Variants in CIRSR observed in about 807,000 individuals in gnomAD.
CIRSR encodes corepressor of RBPJ and splicing regulator.
At chr2:174,381,688 GGAA>G in the CIRSR span, 1 of 1,561,888 alleles carries the variant, frequency 6.4e-7, no homozygotes, top group Non-Finnish European at 8.6e-7. Context: ...AAAAAGAAAC[GGAA>G]GAAGATAAGT....
chr2:174,353,518 A>G, the CIRSR span, among the ~76,000 whole-genome samples: 10 of 152,130 alleles, frequency 6.6e-5, 1 homozygote, highest in East Asian at 7.7e-4. Flanking sequence ...CCCAGGCTGG[A>G]GTGCAGTGGC....
the CIRSR span, chr2:174,369,936 C>T: frequency 2.5e-5 from 34 of 1,353,886 alleles, no homozygotes; most frequent in Non-Finnish European, 3.1e-5. Context: ...ACAAAGTAAG[C>T]ACATACGGTT....
the CIRSR span, among the ~76,000 whole-genome samples, chr2:174,374,765 C>G: frequency 6.6e-6 from 1 of 152,178 alleles, no homozygotes; most frequent in East Asian, 1.9e-4. Flanking sequence ...TTCCTCTATA[C>G]GAAAGGTTAT....
At chr2:174,350,612 G>A in the CIRSR span, 1 of 1,243,574 alleles carries the variant, frequency 8.0e-7, no homozygotes, top group African/African-American at 1.5e-5. Context: ...ATACTGAGAT[G>A]AATACTAAGG....
At chr2:174,387,863 A>C in the CIRSR span, 1 of 1,237,994 alleles carries the variant, frequency 8.1e-7, no homozygotes, top group Non-Finnish European at 1.1e-6. Context: ...TAAAATATAA[A>C]ATGCAATTGT....
At chr2:174,351,868 G>A in the CIRSR span, 1 of 515,588 alleles carries the variant, frequency 1.9e-6, no homozygotes, top group Non-Finnish European at 3.3e-6. Flanking sequence ...CAAATAATCA[G>A]ATATGATTTT....
chr2:174,391,627 T>C, the CIRSR span, among the ~76,000 whole-genome samples: 3 of 151,822 alleles, frequency 2.0e-5, no homozygotes, highest in African/African-American at 7.3e-5. Flanking sequence ...GGTGGGAGAA[T>C]AGTAGGAGGG....
the CIRSR span, among the ~76,000 whole-genome samples, chr2:174,392,899 C>T: frequency 6.6e-6 from 1 of 152,234 alleles, no homozygotes; most frequent in African/African-American, 2.4e-5. Context: ...ACTGGGACTG[C>T]AGATTTGAGT....
chr2:174,351,744 G>C, the CIRSR span: 1 of 1,592,600 alleles, frequency 6.3e-7, no homozygotes, highest in Non-Finnish European at 8.6e-7. Flanking sequence ...AAAAATCACA[G>C]TTTGAATGTA....
At chr2:174,348,706 C>T in the CIRSR span, 6 of 1,614,070 alleles carry the variant, frequency 3.7e-6, no homozygotes, top group African/African-American at 2.7e-5. Context: ...TCCTCCCTGC[C>T]GTGGCTTCTG....
At chr2:174,356,236 C>T in the CIRSR span, among the ~76,000 whole-genome samples, 4 of 151,884 alleles carry the variant, frequency 2.6e-5, no homozygotes, top group South Asian at 2.1e-4. Context: ...GAGGCAGAGG[C>T]GGGTGGATCG....
the CIRSR span, among the ~76,000 whole-genome samples, chr2:174,362,790 G>A: frequency 2.0e-5 from 3 of 151,046 alleles, no homozygotes; most frequent in Non-Finnish European, 4.4e-5. Context: ...GTAATACAGA[G>A]TATTATAGCT....
At chr2:174,380,361 T>G in the CIRSR span, 1 of 759,454 alleles carries the variant, frequency 1.3e-6, no homozygotes. Flanking sequence ...TGAAATATAT[T>G]ACTTCAGTAA....
chr2:174,378,870 T>G, the CIRSR span: 1 of 1,295,006 alleles, frequency 7.7e-7, no homozygotes, highest in Non-Finnish European at 1.1e-6. Flanking sequence ...AAAAATGTTG[T>G]TTTATCTTTC....
the CIRSR span, chr2:174,380,338 T>C: frequency 1.1e-6 from 1 of 914,738 alleles, no homozygotes; most frequent in South Asian, 1.8e-5. Flanking sequence ...GTTTTACAGT[T>C]CTAAGAACAT....
the CIRSR span, among the ~76,000 whole-genome samples, chr2:174,357,725 G>A: frequency 1.3e-5 from 2 of 152,140 alleles, no homozygotes; most frequent in Non-Finnish European, 2.9e-5. Context: ...ACTTATATTT[G>A]ATTACTAATA....
At chr2:174,378,949 G>A in the CIRSR span, 1 of 1,613,014 alleles carries the variant, frequency 6.2e-7, no homozygotes, top group Non-Finnish European at 8.5e-7. Flanking sequence ...AACCGAACTT[G>A]CATTGATTCC....
chr2:174,351,126 G>C, the CIRSR span, among the ~76,000 whole-genome samples: 7 of 152,168 alleles, frequency 4.6e-5, no homozygotes, highest in African/African-American at 1.7e-4. Flanking sequence ...AGTTTTACAG[G>C]AATGTCAAAA....
At chr2:174,371,036 C>T in the CIRSR span, among the ~76,000 whole-genome samples, 1 of 152,066 alleles carries the variant, frequency 6.6e-6, no homozygotes, top group African/African-American at 2.4e-5. Flanking sequence ...AAACCACGTT[C>T]TTTCACTCAT....
Sources: gnomAD v4.1 joint callset for allele counts (sites outside exome capture counted in the v4.1 genomes callset) on GRCh38, gnomAD v4.1.1 for gene constraint, MANE v1.5 for transcripts, NCBI Gene and HGNC (gene_info 2026-07-23, HGNC 2026-07-21) for gene names.